The following LRRC3B variants were observed in gnomAD, a reference collection of about 807,000 sequenced individuals.
LRRC3B encodes leucine-rich repeat-containing protein 3B.
Under a neutral mutation model 12.8 loss-of-function variants are expected in LRRC3B, and 2 were observed. That is an observed-to-expected ratio of 0.16 (90% CI 0.06 to 0.49). The LOEUF (loss-of-function observed/expected upper bound fraction) is 0.49, where lower values mean the gene tolerates loss of function less well. Among genes scored for constraint, LRRC3B ranks in the 20% least tolerant of loss-of-function variants. The pLI is 0.96. For missense variants in LRRC3B, 189 were observed against 319.4 expected (o/e 0.59, Z 3.11); for synonymous variants, 132 against 122.0 (o/e 1.08, Z -0.54).
chr3:26,691,690 A>G (rs916556685), intron 1 of LRRC3B, among the ~76,000 whole-genome samples: 3 of 152,180 alleles, frequency 2.0e-5, no homozygotes, highest in African/African-American at 7.2e-5. Flanking sequence ...TGGGGGACCA[A>G]TGGTCAAAAT....
intron 1 of LRRC3B, among the ~76,000 whole-genome samples, chr3:26,694,088 A>G (rs988737115): frequency 1.2e-4 from 19 of 152,220 alleles, no homozygotes; most frequent in Admixed American, 6.5e-4. Context: ...AAGTGCAACT[A>G]GAATCCTCAT....
At chr3:26,710,562 G>A (rs1273727194) in exon 2 of LRRC3B, 5 of 1,172,234 alleles carry the variant, frequency 4.3e-6, no homozygotes, top group Non-Finnish European at 5.9e-6. Context: ...TTGTATTTCA[G>A]TTTCTTTTGA....
intron 1 of LRRC3B, among the ~76,000 whole-genome samples, chr3:26,660,696 T>C (rs1699474350): frequency 6.6e-6 from 1 of 152,124 alleles, no homozygotes; most frequent in African/African-American, 2.4e-5. Context: ...TTCTGACATA[T>C]CTAGATGTAT....
chr3:26,652,767 A>T (rs1000292947), intron 1 of LRRC3B, among the ~76,000 whole-genome samples: 2 of 152,112 alleles, frequency 1.3e-5, no homozygotes, highest in African/African-American at 4.8e-5. Flanking sequence ...AAAGTACATA[A>T]TTTTTTATTT....
chr3:26,632,158 G>A (rs1698770282), intron 1 of LRRC3B, among the ~76,000 whole-genome samples: 3 of 152,200 alleles, frequency 2.0e-5, no homozygotes, highest in African/African-American at 7.2e-5. Flanking sequence ...AGGTACAAAG[G>A]GGTGAAACAA....
chr3:26,635,192 A>G (rs1190237594), intron 1 of LRRC3B, among the ~76,000 whole-genome samples: 3 of 152,246 alleles, frequency 2.0e-5, no homozygotes, highest in Non-Finnish European at 4.4e-5. Flanking sequence ...TGATGCCTCT[A>G]TAGCTCCCAT....
chr3:26,682,652 A>C (rs62247436), intron 1 of LRRC3B, among the ~76,000 whole-genome samples: 15,717 of 152,164 alleles, frequency 0.1, 1,076 homozygotes, highest in South Asian at 0.21. Context: ...AGAAAAACTA[A>C]ATGCTCCTTT....
chr3:26,638,707 C>A (rs1002921537), intron 1 of LRRC3B, among the ~76,000 whole-genome samples: 1 of 152,174 alleles, frequency 6.6e-6, no homozygotes, highest in Non-Finnish European at 1.5e-5. Flanking sequence ...GATGCTGTTG[C>A]CTTTATTCAA....
At chr3:26,623,199 G>C (rs1380829060) in exon 1 of LRRC3B, 1 of 152,508 alleles carries the variant, frequency 6.6e-6, no homozygotes, top group Non-Finnish European at 1.5e-5. Context: ...CCTGAGCCAC[G>C]AGGATGGAGC....
intron 1 of LRRC3B, among the ~76,000 whole-genome samples, chr3:26,643,290 G>GTA (rs145205386): frequency 0.57 from 85,767 of 150,746 alleles, 25,078 homozygotes; most frequent in Non-Finnish European, 0.64. Context: ...ACATGTATAT[G>GTA]TATATATATA....
intron 1 of LRRC3B, among the ~76,000 whole-genome samples, chr3:26,625,785 T>C (rs1178473423): frequency 6.6e-6 from 1 of 152,238 alleles, no homozygotes; most frequent in African/African-American, 2.4e-5. Context: ...GTTCTTACTA[T>C]GTGCCAGACA....
intron 1 of LRRC3B, among the ~76,000 whole-genome samples, chr3:26,708,130 G>T (rs946397550): frequency 1.3e-5 from 2 of 152,144 alleles, no homozygotes; most frequent in African/African-American, 4.8e-5. Context: ...TAAAAGACAA[G>T]TTTTCAGAAA....
Position 26,685,486 on chromosome 3 carries a change from CCTCTCT to C in LRRC3B, c.-160-23994_-160-23989del, listed in dbSNP as rs61229084. On this transcript the variant is annotated intron_variant, in intron 1 of 1. Coordinates refer to ENST00000396641, the Ensembl canonical transcript of LRRC3B. The stretch of plus-strand genomic sequence containing the variant: ...CAACTAAGATATGGTAGACTCTCTC[CCTCTCT>C]CTCTCTCTCTCTCTCTCTCTCTCTC... Among the ~76,000 whole-genome samples, 362 of 49,480 alleles carry C rather than the reference CCTCTCT, an allele frequency of 7.3e-3. 7 individuals carry two copies. The highest frequency in any genetic ancestry group is 0.026 in the East Asian group (30 of 1,168). The allele number at this position is 49,480 out of a possible 152,430, so 32.5% of individuals were successfully genotyped here.
In LRRC3B at chr3:26,671,358, A is replaced by G. The variant is rs7633626; in HGVS notation, c.-160-38155A>G. Among the ~76,000 whole-genome samples, 56 of 69,204 alleles carry G rather than the reference A, an allele frequency of 8.1e-4. 3 individuals are homozygous for G. Among genetic ancestry groups the G allele is most frequent in the East Asian group, 6.9e-3 (11 of 1,592 alleles). The allele number at this position is 69,204 out of a possible 152,430, so 45.4% of individuals were successfully genotyped here. On this transcript the variant is annotated intron_variant, in intron 1 of 1. Transcript: ENST00000396641. ...TGTGTGTATATATGTGTGTATATAT[A>G]TATATATATATATATAGAGAGAGAG...
intron 1 of LRRC3B, among the ~76,000 whole-genome samples, chr3:26,700,790 T>C (rs1488931624): frequency 6.6e-6 from 1 of 152,176 alleles, no homozygotes; most frequent in African/African-American, 2.4e-5. Flanking sequence ...CCAAAGGACT[T>C]CAGTTAAGTT....
chr3:26,660,613 C>T (rs1162760215), intron 1 of LRRC3B, among the ~76,000 whole-genome samples: 3 of 151,972 alleles, frequency 2.0e-5, no homozygotes. Flanking sequence ...TCAGTACGTG[C>T]CTGTGTCTTC....
At chr3:26,670,763 T>C (rs1699703272) in intron 1 of LRRC3B, among the ~76,000 whole-genome samples, 1 of 152,176 alleles carries the variant, frequency 6.6e-6, no homozygotes, top group Non-Finnish European at 1.5e-5. Context: ...GAGATAATTA[T>C]AGCTACTACT....
chr3:26,675,675 A>G (rs1292406893), intron 1 of LRRC3B, among the ~76,000 whole-genome samples: 3 of 152,226 alleles, frequency 2.0e-5, no homozygotes, highest in Non-Finnish European at 4.4e-5. Context: ...ATATATTTGA[A>G]TATATACTCA....
intron 1 of LRRC3B, among the ~76,000 whole-genome samples, chr3:26,628,280 C>T (rs888380479): frequency 1.2e-4 from 18 of 151,480 alleles, no homozygotes; most frequent in Non-Finnish European, 1.6e-4. Context: ...TATGTTTATA[C>T]AATACATAGT....
Sources: gnomAD v4.1 joint callset for allele counts (sites outside exome capture counted in the v4.1 genomes callset) on GRCh38, gnomAD v4.1.1 for gene constraint, MANE v1.5 for transcripts, NCBI Gene and HGNC (gene_info 2026-07-23, HGNC 2026-07-21) for gene names.